ABLIM1: variants seen among roughly 807,000 people sequenced by gnomAD.
ABLIM1 encodes the protein actin-binding LIM protein 1.
A neutral mutation model predicts 107.0 loss-of-function variants in ABLIM1; 40 were observed. That is an observed-to-expected ratio of 0.37 (90% CI 0.29 to 0.49). ABLIM1 has a LOEUF of 0.49. ABLIM1 is among the 20% of genes least tolerant of loss of function. The probability of loss-of-function intolerance (pLI) is 0.97; values close to 1 mark genes in which losing one functional copy is unlikely to be tolerated. For synonymous variants in ABLIM1, 357 were observed against 357.3 expected (o/e 1.00, Z 0.01); for missense variants, 857 against 1,008.5 (o/e 0.85, Z 2.04).
At chr10:114,471,491 C>G (rs1031460916) in intron 10 of ABLIM1, among the ~76,000 whole-genome samples, 4 of 152,122 alleles carry the variant, frequency 2.6e-5, no homozygotes, top group Admixed American at 2.0e-4. Context: ...AACTGACAAC[C>G]CGGGCCAATG....
intron 1 of ABLIM1, among the ~76,000 whole-genome samples, chr10:114,636,313 A>G (rs1182987800): frequency 6.6e-6 from 1 of 152,216 alleles, no homozygotes; most frequent in East Asian, 1.9e-4. Context: ...CAGGTGACAG[A>G]GGGCCCTCAA....
intron 1 of ABLIM1, among the ~76,000 whole-genome samples, chr10:114,652,862 CA>C (rs1455629504): frequency 6.6e-6 from 1 of 152,198 alleles, no homozygotes; most frequent in Admixed American, 6.5e-5. Context: ...GGGAACATTC[CA>C]TACAGACAGC....
In ABLIM1 at chr10:114,513,037, TCTCCATCCATCCTC is replaced by T. The variant is rs895671369; in HGVS notation, c.895-21173_895-21160del. Among the ~76,000 whole-genome samples the T allele has an allele frequency of 2.0e-3, 302 of 152,154 alleles. 1 individual carries two copies. The highest frequency in any genetic ancestry group is 7.0e-3 in the African/African-American group (291 of 41,492). ...TAGTCAAGAAGACAGTCACCTGTACTCTCCATCCATCCTCCTCCATCCATCCTCCCTTTCCCCAG... is the reference window on the plus strand; with the variant it reads ...TAGTCAAGAAGACAGTCACCTGTACTCTCCATCCATCCTCCCTTTCCCCAG... On this transcript the variant is annotated intron_variant, in intron 6 of 22. Coordinates refer to ENST00000533213, the MANE Select transcript of ABLIM1 (RefSeq NM_002313.7).
chr10:114,553,154 CT>C (rs1476864474), intron 4 of ABLIM1, among the ~76,000 whole-genome samples: 5 of 152,160 alleles, frequency 3.3e-5, no homozygotes, highest in African/African-American at 7.2e-5. Flanking sequence ...GTGAAGACGC[CT>C]CTCTGGAAAA....
chr10:114,493,947 C>T (rs2059347657), intron 6 of ABLIM1, among the ~76,000 whole-genome samples: 1 of 152,282 alleles, frequency 6.6e-6, no homozygotes, highest in Non-Finnish European at 1.5e-5. Context: ...ACAAAAAATA[C>T]ACTTTTTTGT....
chr10:114,747,226 T>C (rs1480805780), intron 1 of ABLIM1, among the ~76,000 whole-genome samples: 4 of 152,048 alleles, frequency 2.6e-5, no homozygotes, highest in Admixed American at 6.5e-5. Context: ...CTTAAGCAAA[T>C]ATTCCAAAGA....
At chr10:114,659,525 C>T (rs1222081756), upstream of ABLIM1, among the ~76,000 whole-genome samples, 1 of 152,046 alleles carries the variant, frequency 6.6e-6, no homozygotes, top group African/African-American at 2.4e-5. Context: ...AACAAAAAAT[C>T]TGTAGAACTT....
At chr10:114,529,976 G>A (rs563634807) in intron 6 of ABLIM1, among the ~76,000 whole-genome samples, 1 of 152,290 alleles carries the variant, frequency 6.6e-6, no homozygotes, top group South Asian at 2.1e-4. Flanking sequence ...GCAGTGATCT[G>A]AGATCGTGCC....
intron 3 of ABLIM1, among the ~76,000 whole-genome samples, chr10:114,572,567 C>A (rs540214766): frequency 6.6e-6 from 1 of 152,166 alleles, no homozygotes; most frequent in Non-Finnish European, 1.5e-5. Flanking sequence ...TTCGGCAGTA[C>A]AGTGAAGGCT....
In ABLIM1 at chr10:114,575,492, C is replaced by T. The variant is rs1352358178; in HGVS notation, c.487G>A (p.Glu163Lys). ...MYGTRCHGCGEFVEGEVVTAL... is the reference protein window; with the variant it reads ...MYGTRCHGCGKFVEGEVVTAL... The stretch of plus-strand genomic sequence containing the variant: ...GTCACCACTTCGCCCTCCACGAACT[C>T]CCCACAGCCATGGCAGCGTGTCCCG... The change falls in exon 3 of 23, where the codon GAG becomes AAG. Residue 163 changes from glutamate (E) to lysine (K), a missense_variant. Physicochemically the swap from Glu to Lys is moderately conservative, Grantham distance 56. This residue lies in a region of ABLIM1 where 381 missense variants were observed against 506.9 expected (regional missense o/e 0.75). Coordinates refer to ENST00000533213, the MANE Select transcript of ABLIM1 (RefSeq NM_002313.7). The T allele has an allele frequency of 1.2e-6, 2 of 1,614,190 alleles. No homozygotes were observed. Among genetic ancestry groups the T allele is most frequent in the South Asian group, 1.1e-5 (1 of 91,088 alleles).
At chr10:114,763,282 A>G (rs2082793977) in intron 1 of ABLIM1, among the ~76,000 whole-genome samples, 1 of 152,218 alleles carries the variant, frequency 6.6e-6, no homozygotes, top group African/African-American at 2.4e-5. Context: ...GGAGATTTTC[A>G]TTTTTAACTT....
chr10:114,474,051 G>C, intron 8 of ABLIM1, 95 bp from the exon 9 acceptor site: 1 of 859,414 alleles, frequency 1.2e-6, no homozygotes, highest in East Asian at 2.6e-5. Context: ...CTCAGCTAGT[G>C]AAAAAAAGAA....
At position 114,658,161 on chromosome 10, in the gene ABLIM1, A is replaced by T; in HGVS notation, c.40T>A (p.Cys14Ser). ...FLGLKCLGKL[C>S]SSEKSKVTSS... ...GTGACTTTGCTTTTCTCAGAGCTGC[A>T]CAATTTCCCCAGACACTTTAGACCA... Residue 14 changes from cysteine to serine, a missense_variant, in exon 1 of 23, where the codon TGC becomes AGC. Physicochemically the swap from Cys to Ser is moderately radical, Grantham distance 112. Around this residue, in one of 5 missense-constraint regions of ABLIM1, gnomAD observed 176 missense variants for 173.5 expected, o/e 1.01. Transcript: ENST00000533213. The T allele has an allele frequency of 6.2e-7, 1 of 1,613,740 alleles. No individual in the cohort carries two copies. The highest frequency in any genetic ancestry group is 1.1e-5 in the South Asian group (1 of 91,048).
In ABLIM1 at chr10:114,544,986, G is replaced by T; in HGVS notation, c.894+19C>A. The T allele has an allele frequency of 6.2e-7, 1 of 1,612,104 alleles. No individual in the cohort carries two copies. Among genetic ancestry groups the T allele is most frequent in the Non-Finnish European group, 8.5e-7 (1 of 1,178,214 alleles). On this transcript the variant is annotated intron_variant, in intron 6 of 22. Transcript: ENST00000533213. The stretch of plus-strand genomic sequence containing the variant: ...GAGAAAGATGGCGGTAGCTATGAGG[G>T]AGCCGGTCTGCCACTTACCTCCAGG...
intron 2 of ABLIM1, among the ~76,000 whole-genome samples, chr10:114,593,517 G>C (rs1486601761): frequency 6.6e-6 from 1 of 152,132 alleles, no homozygotes; most frequent in Admixed American, 6.6e-5. Context: ...GTTTGTATAA[G>C]AGCTGAGGAA....
At chr10:114,511,754 T>G (rs914100480) in intron 6 of ABLIM1, among the ~76,000 whole-genome samples, 2 of 150,562 alleles carry the variant, frequency 1.3e-5, no homozygotes, top group African/African-American at 5.0e-5. Context: ...TTCTTTCAGT[T>G]TGCATCAAAC....
chr10:114,530,839 T>C (rs557548880), intron 6 of ABLIM1, among the ~76,000 whole-genome samples: 76 of 152,212 alleles, frequency 5.0e-4, no homozygotes, highest in Non-Finnish European at 9.9e-4. Context: ...CAGCCAGAAA[T>C]AGGTATTTAG....
chr10:114,646,100 G>A (rs531758295), intron 1 of ABLIM1, among the ~76,000 whole-genome samples: 3 of 152,246 alleles, frequency 2.0e-5, no homozygotes, highest in African/African-American at 4.8e-5. Flanking sequence ...AAAACACTCC[G>A]CATATGTATT....
intron 1 of ABLIM1, among the ~76,000 whole-genome samples, chr10:114,738,177 T>G (rs901934794): frequency 6.6e-6 from 1 of 152,158 alleles, no homozygotes; most frequent in Non-Finnish European, 1.5e-5. Context: ...GCCTCCCAAG[T>G]AGCTGGGACT....
Sources: gnomAD v4.1 joint callset for allele counts (sites outside exome capture counted in the v4.1 genomes callset) on GRCh38, gnomAD v4.1.1 for gene constraint, gnomAD v4.1.1 regional missense constraint, MANE v1.5 for transcripts, NCBI Gene and HGNC (gene_info 2026-07-23, HGNC 2026-07-21) for gene names.